The following TRPM1 variants were observed in gnomAD, a reference collection of about 807,000 sequenced individuals.
TRPM1 encodes transient receptor potential cation channel subfamily M member 1.
A neutral mutation model predicts 149.4 loss-of-function variants in TRPM1; 113 were observed. The ratio of observed to expected loss-of-function variants is 0.76; its 90% confidence interval spans 0.65 to 0.88. The LOEUF (loss-of-function observed/expected upper bound fraction) is 0.88. Among genes scored for constraint, TRPM1 ranks in the 40% least tolerant of loss-of-function variants. The pLI is 0.00. For missense variants in TRPM1, 1,976 were observed against 2,038.7 expected, an observed-to-expected ratio of 0.97 and a Z score of 0.59; for synonymous variants, 741 against 759.5, an observed-to-expected ratio of 0.98 and a Z score of 0.40.
intron 21 of TRPM1, among the ~76,000 whole-genome samples, chr15:31,034,169 C>T (rs1458590638): frequency 6.6e-6 from 1 of 152,156 alleles, no homozygotes; most frequent in Non-Finnish European, 1.5e-5. Flanking sequence ...ATTAAAACTT[C>T]TGAATGATAT....
chr15:31,138,415 CTT>C (rs1173086745), intron 1 of TRPM1, among the ~76,000 whole-genome samples: 1 of 152,100 alleles, frequency 6.6e-6, no homozygotes, highest in African/African-American at 2.4e-5. Flanking sequence ...CAACCTCTCT[CTT>C]GGAATAAAAA....
At chr15:31,030,030 C>T (rs1233238345) in intron 23 of TRPM1, among the ~76,000 whole-genome samples, 2 of 152,188 alleles carry the variant, frequency 1.3e-5, no homozygotes, top group East Asian at 1.9e-4. Flanking sequence ...TACCAAGCTA[C>T]TAACACACTT....
At chr15:31,081,514 T>C (rs2140984245) in intron 1 of TRPM1, 76 bp from the exon 2 acceptor site, 2 of 956,262 alleles carry the variant, frequency 2.1e-6, no homozygotes, top group Non-Finnish European at 3.1e-6. Context: ...GAACAAATCC[T>C]GCCCTCCCTT....
At chr15:31,079,389 A>G (rs977514921) in intron 2 of TRPM1, among the ~76,000 whole-genome samples, 12 of 152,042 alleles carry the variant, frequency 7.9e-5, no homozygotes, top group African/African-American at 1.9e-4. Flanking sequence ...AAGGAAGGAA[A>G]CCTGGAAGGA....
intron 1 of TRPM1, among the ~76,000 whole-genome samples, chr15:31,145,337 A>G (rs2036212060): frequency 6.6e-6 from 1 of 152,160 alleles, no homozygotes; most frequent in Non-Finnish European, 1.5e-5. Context: ...TCCATGTCAT[A>G]ATGACTCTTA....
intron 1 of TRPM1, among the ~76,000 whole-genome samples, chr15:31,145,008 A>G (rs1292452292): frequency 6.6e-6 from 1 of 151,982 alleles, no homozygotes; most frequent in Non-Finnish European, 1.5e-5. Context: ...GAGCCACCGC[A>G]CCCAGCCCCG....
At chr15:31,030,137 C>T (rs2032998775) in intron 23 of TRPM1, among the ~76,000 whole-genome samples, 2 of 152,178 alleles carry the variant, frequency 1.3e-5, no homozygotes, top group South Asian at 4.1e-4. Flanking sequence ...TATTGTCTAA[C>T]CTAGAGGCAG....
At position 31,121,127 on chromosome 15, in the gene TRPM1, C is replaced by G. The variant is rs148098705; in HGVS notation, c.54+39779G>C. ...CTGTAATCCCAGCTACTTGGGAGGC[C>G]AAGGCAGAGAATTGCTTTGACCCAG... is the stretch of plus-strand genomic sequence containing the variant. On this transcript the variant is annotated intron_variant, in intron 1 of 26. Coordinates refer to the TRPM1 transcript ENST00000542188. Among the ~76,000 whole-genome samples the G allele has an allele frequency of 6.9e-3, 985 of 143,014 alleles. 7 individuals are homozygous for G. The highest frequency in any genetic ancestry group is 0.024 in the African/African-American group (934 of 38,126). 93.8% of individuals were successfully genotyped at this position (143,014 alleles called of 152,430 possible).
rs1477424814 is a variant in TRPM1 at position 31,002,001 on chromosome 15, A to T, written c.4699T>A (p.Phe1567Ile). ...AAACTTTTTGACCTGAGAGATGGGA[A>T]TCCCAAAGTTTGATCTGGCTTCACA... ...LSVKPDQTLG[F>I]PSLRSKSLHG... The change falls in exon 28 of 28, where the codon TTC (phenylalanine) becomes ATC (isoleucine). Residue 1567 changes from phenylalanine to isoleucine, a missense_variant. Phe to Ile is a conservative substitution (Grantham distance 21). Coordinates refer to ENST00000256552, the MANE Select transcript of TRPM1 (RefSeq NM_001252024.2). 6.2e-7 allele frequency: 1 copy of T among 1,614,080 alleles called. No homozygotes were observed.
At chr15:31,025,086 G>C (rs1595985742) in intron 27 of TRPM1, among the ~76,000 whole-genome samples, 1 of 152,234 alleles carries the variant, frequency 6.6e-6, no homozygotes, top group Middle Eastern at 3.4e-3. Context: ...TAATTGTTTG[G>C]GAACTGTCAG....
chr15:31,037,792 G>C lies in TRPM1; in HGVS notation c.2490C>G (p.His830Gln). Residue 830 changes from histidine to glutamine, a missense_variant, in exon 20 of 28, where the codon CAC (histidine) becomes CAG (glutamine). By Grantham distance (24) the His-to-Gln change is conservative. Transcript: ENST00000256552. ...GSRKGDEENE[H>Q]KKQRSIPIGT... ...CGATGGGAATACTTCTCTGTTTTTTGTGCTCGTTCTCCTCATCCCCCTTTC... is the reference window on the plus strand; with the variant it reads ...CGATGGGAATACTTCTCTGTTTTTTCTGCTCGTTCTCCTCATCCCCCTTTC... 1 of 1,614,116 alleles carries C rather than the reference G, an allele frequency of 6.2e-7. No individual in the cohort carries two copies. The highest frequency in any genetic ancestry group is 1.1e-5 in the South Asian group (1 of 91,084).
chr15:31,042,038 G>T lies in TRPM1; in HGVS notation c.2000C>A (p.Ala667Asp), dbSNP rs1465507508. Residue 667 changes from alanine (A) to aspartate (D), a missense_variant, in exon 17 of 28, where the codon GCC becomes GAC. Transcript: ENST00000256552. ...GGCCATGGCCTTGTAGAGCTTGCAG[G>T]CCACCAGGGCCTTGGCCATGCTCTC... ...GEESMAKALV[A>D]CKLYKAMAHE... 1 of 1,614,186 alleles carries T rather than the reference G, an allele frequency of 6.2e-7. No individual in the cohort carries two copies.
Position 31,040,677 on chromosome 15 carries a change from G to A in TRPM1, c.2088-331C>T, listed in dbSNP as rs1253428951. ...CTCAAGTTGTGCACAGATCAGGGAG[G>A]CAGATAGAAAAGACAGCAAAAGTGA... On this transcript the variant is annotated intron_variant, in intron 17 of 27. Coordinates refer to ENST00000256552, the MANE Select transcript of TRPM1 (RefSeq NM_001252024.2). The surrounding 1 kb of genome is among the most constrained non-coding windows in gnomAD (Gnocchi z 4.2). Among the ~76,000 whole-genome samples the A allele has an allele frequency of 1.3e-5, 2 of 152,180 alleles. No individual in the cohort carries two copies. The highest frequency in any genetic ancestry group is 2.9e-5 in the Non-Finnish European group (2 of 68,036).
At chr15:31,149,942 CT>C (rs2036277767) in intron 1 of TRPM1, among the ~76,000 whole-genome samples, 1 of 152,184 alleles carries the variant, frequency 6.6e-6, no homozygotes, top group Admixed American at 6.5e-5. Flanking sequence ...AAATTCTTTT[CT>C]TTTCTGTCTT....
intron 20 of TRPM1, among the ~76,000 whole-genome samples, 195 bp downstream of exon 20, chr15:31,037,516 T>C (rs554084438): frequency 3.9e-5 from 6 of 152,222 alleles, no homozygotes; most frequent in African/African-American, 7.2e-5. Context: ...AGGATGGCCA[T>C]ATATCAATAT....
At chr15:31,082,324 G>T (rs1194813343) in intron 1 of TRPM1, among the ~76,000 whole-genome samples, 2 of 152,180 alleles carry the variant, frequency 1.3e-5, no homozygotes, top group Non-Finnish European at 2.9e-5. Flanking sequence ...AAGAGTGCTT[G>T]TCCCAGCTGG....
At chr15:31,084,785 G>A (rs377344789) in intron 1 of TRPM1, among the ~76,000 whole-genome samples, 1 of 148,446 alleles carries the variant, frequency 6.7e-6, no homozygotes, top group Non-Finnish European at 1.5e-5. Flanking sequence ...GTGATTCCCC[G>A]CCTCAGCCTC....
chr15:31,101,370 G>A (rs2035511472), intron 1 of TRPM1, among the ~76,000 whole-genome samples: 1 of 152,186 alleles, frequency 6.6e-6, no homozygotes, highest in Admixed American at 6.5e-5. Flanking sequence ...TGCTGAGACA[G>A]CCTCTTGGAA....
At chr15:31,045,762 G>A (rs546270217) in intron 16 of TRPM1, among the ~76,000 whole-genome samples, 1 of 152,314 alleles carries the variant, frequency 6.6e-6, no homozygotes, top group South Asian at 2.1e-4. Context: ...TTTTACATGT[G>A]TTTCAAATTC....
Sources: gnomAD v4.1 joint callset for allele counts (sites outside exome capture counted in the v4.1 genomes callset) on GRCh38, gnomAD v4.1.1 for gene constraint, Gnocchi (gnomAD v3.1) non-coding constraint, MANE v1.5 for transcripts, NCBI Gene and HGNC (gene_info 2026-07-23, HGNC 2026-07-21) for gene names.